Variants in GNAI1 observed in about 807,000 individuals in gnomAD.
The protein encoded by GNAI1 is guanine nucleotide-binding protein G(i) subunit alpha-1.
A neutral mutation model predicts 38.9 loss-of-function variants in GNAI1; 11 were observed. That is an observed-to-expected ratio of 0.28 (90% confidence interval 0.18 to 0.47). The LOEUF is 0.47. Ranked by LOEUF, GNAI1 falls within the 20% of genes least tolerant of loss-of-function variation. The probability of loss-of-function intolerance (pLI) is 0.99; values close to 1 mark genes in which losing one functional copy is unlikely to be tolerated. For synonymous variants in GNAI1, 166 were observed against 145.1 expected, an observed-to-expected ratio of 1.14 and a Z score of -1.04; for missense variants, 317 against 436.9, an observed-to-expected ratio of 0.73 and a Z score of 2.45.
At chr7:80,188,633 C>A (rs4512317) in intron 1 of GNAI1, among the ~76,000 whole-genome samples, 86,069 of 151,954 alleles carry the variant, frequency 0.57, 25,493 homozygotes, top group East Asian at 0.79. Flanking sequence ...ACATATACAT[C>A]ATTTCATGTA....
rs1178752540 is a variant in GNAI1, at chr7:80,225,123, A to C, written c.*7630A>C. Among the ~76,000 whole-genome samples, 1 of 152,164 alleles carries C rather than the reference A, an allele frequency of 6.6e-6. No homozygotes were observed. The highest frequency in any genetic ancestry group is 1.9e-4 in the East Asian group (1 of 5,182). On this transcript the variant is annotated 3_prime_UTR_variant, in exon 8 of 8. Transcript: ENST00000649796. Reference sequence around the variant, plus strand: ...TCACACCTTCAGTGACTTTCTTGGGAAATGGTGGGCCTCAGTAAAGACTTG... The same window carrying C: ...TCACACCTTCAGTGACTTTCTTGGGCAATGGTGGGCCTCAGTAAAGACTTG...
intron 1 of GNAI1, among the ~76,000 whole-genome samples, chr7:80,137,486 A>C (rs1753940930): frequency 6.6e-6 from 1 of 151,336 alleles, no homozygotes; most frequent in Non-Finnish European, 1.5e-5. Context: ...ATGCTCGGCT[A>C]ATTTTGTATT....
chr7:80,192,770 A>G lies in GNAI1; in HGVS notation c.303+3539A>G, dbSNP rs943764861. ...CAGTGCAGGAGCATGATCTCAGCTCACTGCAACCTCCGCCTTCCTGGTTCA... is the reference window on the plus strand; with the variant it reads ...CAGTGCAGGAGCATGATCTCAGCTCGCTGCAACCTCCGCCTTCCTGGTTCA... On this transcript the variant is annotated intron_variant, in intron 3 of 7. Coordinates refer to ENST00000649796, the MANE Select transcript of GNAI1 (RefSeq NM_002069.6). Among the ~76,000 whole-genome samples, 13 of 152,178 alleles carry G rather than the reference A, an allele frequency of 8.5e-5. No individual in the cohort carries two copies. In the South Asian group the frequency reaches 2.7e-3, roughly 32 times the overall value.
intron 7 of GNAI1, 79 bp from the exon 8 acceptor site, chr7:80,217,224 A>ACG (rs1788987305): frequency 2.2e-6 from 2 of 903,182 alleles, no homozygotes; most frequent in African/African-American, 3.9e-5. Flanking sequence ...TCAGTTTCAT[A>ACG]TGTATGAAAC....
chr7:80,193,808 A>G lies in GNAI1; in HGVS notation c.303+4577A>G, dbSNP rs552944647. 1.0e-3 allele frequency among the ~76,000 whole-genome samples: 152 copies of G among 152,250 alleles called. 1 individual carries two copies. The highest frequency in any genetic ancestry group is 3.4e-3 in the Middle Eastern group (1 of 294). On this transcript the variant is annotated intron_variant, in intron 3 of 7. Transcript: ENST00000649796. The stretch of plus-strand genomic sequence containing the variant: ...TTTTGTGTGTCATTTAATTTTTTCT[A>G]CTATTATTCTGGAATAGACTGGAAA...
intron 1 of GNAI1, among the ~76,000 whole-genome samples, chr7:80,160,752 T>A (rs1787910056): frequency 6.6e-6 from 1 of 152,188 alleles, no homozygotes. Flanking sequence ...ATCTGTTTTA[T>A]TAAGGAGAGT....
intron 4 of GNAI1, among the ~76,000 whole-genome samples, chr7:80,202,252 G>A (rs1788700889): frequency 6.6e-6 from 1 of 151,980 alleles, no homozygotes; most frequent in Non-Finnish European, 1.5e-5. Context: ...ACCACGTCCA[G>A]CTGATTTTTG....
intron 1 of GNAI1, 51 bp downstream of exon 1, chr7:80,135,329 C>G: frequency 6.4e-6 from 7 of 1,086,230 alleles, no homozygotes; most frequent in Non-Finnish European, 7.4e-6. Context: ...CCGGGTGCGG[C>G]GCTGCGCGGC....
At chr7:80,161,466 A>T (rs758279017) in intron 1 of GNAI1, among the ~76,000 whole-genome samples, 2 of 152,188 alleles carry the variant, frequency 1.3e-5, no homozygotes, top group African/African-American at 2.4e-5. Flanking sequence ...GACACAAAGA[A>T]TGAGTTTTAA....
At chr7:80,161,407 T>G (rs933255862) in intron 1 of GNAI1, among the ~76,000 whole-genome samples, 1 of 152,164 alleles carries the variant, frequency 6.6e-6, no homozygotes, top group Non-Finnish European at 1.5e-5. Flanking sequence ...TTTTAGGAGT[T>G]AATTGAGTAC....
rs990555194 is a variant in GNAI1 at position 80,219,984 on chromosome 7, A to G, written c.*2491A>G. 7.2e-5 allele frequency among the ~76,000 whole-genome samples: 11 copies of G among 152,286 alleles called. No individual in the cohort carries two copies. The East Asian group carries it at 2.1e-3, about 29-fold the overall frequency. On this transcript the variant is annotated 3_prime_UTR_variant, in exon 8 of 8. Transcript: ENST00000649796. ...AGTCTTTGCTAAACTTCCTCTTAAA[A>G]TGGCATTATTAGTTAAATTCCCCAC...
intron 7 of GNAI1, 90 bp from the exon 8 acceptor site, chr7:80,217,213 T>C: frequency 1.2e-6 from 1 of 816,268 alleles, no homozygotes; most frequent in Non-Finnish European, 1.9e-6. Flanking sequence ...TGAAACTGAC[T>C]TCAGTTTCAT....
intron 1 of GNAI1, among the ~76,000 whole-genome samples, chr7:80,176,802 G>C (rs971802175): frequency 1.3e-5 from 2 of 151,446 alleles, no homozygotes; most frequent in Admixed American, 6.6e-5. Context: ...GCCAGGGGTG[G>C]TGACAGGGGC....
chr7:80,186,248 G>T (rs894834950), intron 1 of GNAI1, among the ~76,000 whole-genome samples: 5 of 151,978 alleles, frequency 3.3e-5, no homozygotes, highest in African/African-American at 1.2e-4. Context: ...GGCCAGGCTG[G>T]TCTAGAACTC....
chr7:80,208,447 A>G (rs909893971), intron 5 of GNAI1, among the ~76,000 whole-genome samples: 30 of 152,110 alleles, frequency 2.0e-4, no homozygotes, highest in Admixed American at 5.2e-4. Flanking sequence ...ATTCCAACAA[A>G]CTTAAGCAGT....
intron 1 of GNAI1, among the ~76,000 whole-genome samples, chr7:80,142,931 G>A (rs1284033662): frequency 2.6e-5 from 4 of 152,126 alleles, no homozygotes; most frequent in Admixed American, 2.0e-4. Context: ...CTGCCTTGCT[G>A]TTTCACATGT....
At position 80,209,698 on chromosome 7, in the gene GNAI1, A is replaced by G. The variant is rs906984473; in HGVS notation, c.591-1271A>G. Among the ~76,000 whole-genome samples the G allele has an allele frequency of 2.6e-5, 4 of 152,210 alleles. No individual in the cohort carries two copies. The East Asian group carries it at 7.7e-4, about 29-fold the overall frequency. On this transcript the variant is annotated intron_variant, in intron 5 of 7. Transcript: ENST00000649796. ...TGTGTGACATCTAATCAGAGAAGTT[A>G]TCTGAGATATGCTATCTTTTCAGTA...
intron 1 of GNAI1, among the ~76,000 whole-genome samples, chr7:80,154,003 G>A (rs1435410951): frequency 6.6e-6 from 1 of 152,054 alleles, no homozygotes; most frequent in African/African-American, 2.4e-5. Flanking sequence ...GCTCACTGCA[G>A]CCTCGACTTC....
intron 1 of GNAI1, among the ~76,000 whole-genome samples, chr7:80,156,864 A>G (rs1242890767): frequency 6.6e-6 from 1 of 152,144 alleles, no homozygotes; most frequent in Non-Finnish European, 1.5e-5. Flanking sequence ...GCTTTCCCAT[A>G]TATCCCAGCC....
Sources: gnomAD v4.1 joint callset for allele counts (sites outside exome capture counted in the v4.1 genomes callset) on GRCh38, gnomAD v4.1.1 for gene constraint, MANE v1.5 for transcripts, NCBI Gene and HGNC (gene_info 2026-07-23, HGNC 2026-07-21) for gene names.